The following RPS6KC1 variants were observed in gnomAD, a reference collection of about 807,000 sequenced individuals.
The protein encoded by RPS6KC1 is ribosomal protein S6 kinase C1, also known as inactive ribosomal protein S6 kinase delta-1.
Under a neutral mutation model 103.8 loss-of-function variants are expected in RPS6KC1, and 54 were observed. The observed-to-expected ratio is 0.52, with a 90% CI of 0.42 to 0.65. The LOEUF is 0.65. Among genes scored for constraint, RPS6KC1 ranks in the 30% least tolerant of loss-of-function variants. The probability of loss-of-function intolerance (pLI) is 0.00; values close to 1 mark genes in which losing one functional copy is unlikely to be tolerated. For missense variants in RPS6KC1, 1,151 were observed against 1,253.8 expected, an observed-to-expected ratio of 0.92 and a Z score of 1.24; for synonymous variants, 439 against 438.7, an observed-to-expected ratio of 1.00 and a Z score of -0.01.
chr1:213,192,437 G>C (rs1443086647), intron 8 of RPS6KC1, among the ~76,000 whole-genome samples: 1 of 152,168 alleles, frequency 6.6e-6, no homozygotes, highest in African/African-American at 2.4e-5. Flanking sequence ...GTTTTTCAGA[G>C]TAGTTTCAGT....
At chr1:213,167,415 T>G (rs1217689263) in intron 6 of RPS6KC1, among the ~76,000 whole-genome samples, 1 of 146,028 alleles carries the variant, frequency 6.8e-6, no homozygotes, top group Non-Finnish European at 1.5e-5. Context: ...AGGATTTGGT[T>G]TTTAGAAAAA....
At chr1:213,810,696 C>A in the RPS6KC1 span, among the ~76,000 whole-genome samples, 1 of 152,206 alleles carries the variant, frequency 6.6e-6, no homozygotes, top group Non-Finnish European at 1.5e-5. Context: ...ACCACCAACA[C>A]CAGTATCACC....
the RPS6KC1 span, among the ~76,000 whole-genome samples, chr1:213,549,625 T>C: frequency 7.0e-6 from 1 of 142,836 alleles, no homozygotes; most frequent in African/African-American, 2.6e-5. Context: ...TTTTTTTTTT[T>C]TTTTTTTTTT....
At chr1:213,261,074 C>T (rs995552652) in intron 12 of RPS6KC1, among the ~76,000 whole-genome samples, 4 of 152,180 alleles carry the variant, frequency 2.6e-5, no homozygotes, top group Admixed American at 6.5e-5. Context: ...GGTCTTCGTT[C>T]TCCTACAATG....
At chr1:213,192,829 C>A (rs1176543522) in intron 8 of RPS6KC1, among the ~76,000 whole-genome samples, 4 of 152,066 alleles carry the variant, frequency 2.6e-5, no homozygotes, top group African/African-American at 7.2e-5. Flanking sequence ...GTAGACACTT[C>A]CAGGTGTAAA....
chr1:213,735,053 G>C, the RPS6KC1 span, among the ~76,000 whole-genome samples: 1 of 151,992 alleles, frequency 6.6e-6, no homozygotes, highest in South Asian at 2.1e-4. Flanking sequence ...CCTCCCCAGT[G>C]GCTGGGACTA....
the RPS6KC1 span, among the ~76,000 whole-genome samples, chr1:213,390,616 A>G: frequency 1.3e-5 from 2 of 152,206 alleles, no homozygotes; most frequent in African/African-American, 4.8e-5. Flanking sequence ...AGTGCACACC[A>G]GAGAGAGTGT....
chr1:213,692,401 A>AAT, the RPS6KC1 span, among the ~76,000 whole-genome samples: 1 of 145,812 alleles, frequency 6.9e-6, no homozygotes, highest in Middle Eastern at 3.5e-3. Context: ...AAAAAAAAAA[A>AAT]AATAAATAAA....
chr1:213,455,961 G>A, the RPS6KC1 span, among the ~76,000 whole-genome samples: 32 of 152,030 alleles, frequency 2.1e-4, no homozygotes, highest in African/African-American at 7.0e-4. Flanking sequence ...CACCTTACCC[G>A]TGGGGTAACC....
At chr1:213,553,667 T>C in the RPS6KC1 span, among the ~76,000 whole-genome samples, 1 of 152,098 alleles carries the variant, frequency 6.6e-6, no homozygotes, top group Admixed American at 6.5e-5. Flanking sequence ...GCGTTTCCTT[T>C]TCTCCGCAAC....
the RPS6KC1 span, among the ~76,000 whole-genome samples, chr1:213,409,162 G>A: frequency 6.6e-6 from 1 of 152,060 alleles, no homozygotes; most frequent in East Asian, 1.9e-4. Context: ...TCCAGGGCAG[G>A]TCCCACGCTT....
the RPS6KC1 span, among the ~76,000 whole-genome samples, chr1:213,607,858 T>C: frequency 6.6e-6 from 1 of 152,182 alleles, no homozygotes; most frequent in Non-Finnish European, 1.5e-5. Context: ...TAGAATAGGG[T>C]ATCTGGCTGG....
At chr1:213,151,935 C>T (rs2089080749) in intron 6 of RPS6KC1, among the ~76,000 whole-genome samples, 1 of 124,910 alleles carries the variant, frequency 8.0e-6, no homozygotes, top group Non-Finnish European at 1.7e-5. Flanking sequence ...GGGCTGACCC[C>T]CCCACCTCCC....
At chr1:213,215,690 T>C (rs2093640624) in intron 8 of RPS6KC1, among the ~76,000 whole-genome samples, 1 of 152,128 alleles carries the variant, frequency 6.6e-6, no homozygotes, top group Non-Finnish European at 1.5e-5. Context: ...TCGGCAGAAA[T>C]TCTACAAGCC....
downstream of RPS6KC1, among the ~76,000 whole-genome samples, chr1:213,275,612 A>G (rs1300633372): frequency 6.6e-6 from 1 of 152,148 alleles, no homozygotes; most frequent in African/African-American, 2.4e-5. Context: ...ATAGTTATGT[A>G]TATTTATGGG....
chr1:213,151,889 A>C (rs192788178), intron 6 of RPS6KC1, among the ~76,000 whole-genome samples: 62,896 of 86,568 alleles, frequency 0.73, 22,291 homozygotes, highest in African/African-American at 0.86. Context: ...CTGATCCCCC[A>C]ACCTCCCTCC....
chr1:213,568,150 T>G, the RPS6KC1 span, among the ~76,000 whole-genome samples: 1 of 152,150 alleles, frequency 6.6e-6, no homozygotes, highest in African/African-American at 2.4e-5. Context: ...TAATAATAAA[T>G]CTGAAAAATG....
At chr1:213,567,020 G>C in the RPS6KC1 span, among the ~76,000 whole-genome samples, 1 of 152,078 alleles carries the variant, frequency 6.6e-6, no homozygotes, top group East Asian at 1.9e-4. Context: ...GACTCCTCTA[G>C]CTTGAGAAAC....
chr1:213,203,363 T>C (rs962046465), intron 8 of RPS6KC1, among the ~76,000 whole-genome samples: 2 of 152,170 alleles, frequency 1.3e-5, no homozygotes, highest in Admixed American at 1.3e-4. Flanking sequence ...TGTGAGAAGG[T>C]TTACTTCCTC....
Sources: allele counts gnomAD v4.1 joint callset (sites outside exome capture counted in the v4.1 genomes callset), GRCh38; gene constraint gnomAD v4.1.1; transcripts MANE v1.5; gene names NCBI Gene and HGNC (gene_info 2026-07-23, HGNC 2026-07-21).